GPR158: variants seen among roughly 807,000 people sequenced by gnomAD.
GPR158 encodes G protein-coupled receptor 158.
Under a neutral mutation model 78.2 loss-of-function variants are expected in GPR158, and 30 were observed. The ratio of observed to expected loss-of-function variants is 0.38; its 90% confidence interval spans 0.29 to 0.52. GPR158 has a LOEUF of 0.52. GPR158 is among the 20% of genes least tolerant of loss of function. The pLI, the probability that GPR158 is intolerant of heterozygous loss-of-function variation, is 0.83. For missense variants in GPR158, 1,463 were observed against 1,523.5 expected (o/e 0.96, Z 0.66); for synonymous variants, 581 against 591.1 (o/e 0.98, Z 0.25).
chr10:25,524,719 G>A (rs995884641), intron 5 of GPR158, among the ~76,000 whole-genome samples: 1 of 152,120 alleles, frequency 6.6e-6, no homozygotes, highest in African/African-American at 2.4e-5. Flanking sequence ...TTATGACCTT[G>A]GGGTAAGCAA....
chr10:25,301,158 AT>A (rs1854587943), intron 2 of GPR158, among the ~76,000 whole-genome samples: 1 of 152,214 alleles, frequency 6.6e-6, no homozygotes, highest in Non-Finnish European at 1.5e-5. Context: ...CAAAATGTTT[AT>A]ATATCTATGA....
At chr10:25,431,433 T>C (rs1455554075) in intron 4 of GPR158, among the ~76,000 whole-genome samples, 2 of 145,760 alleles carry the variant, frequency 1.4e-5, no homozygotes, top group South Asian at 2.3e-4. Context: ...AGTTCACCCA[T>C]TGTGGAAGTC....
chr10:25,280,729 A>G (rs1854256730), intron 2 of GPR158, among the ~76,000 whole-genome samples: 1 of 152,184 alleles, frequency 6.6e-6, no homozygotes, highest in South Asian at 2.1e-4. Flanking sequence ...GTATGTATGT[A>G]TGTATGTATG....
rs149761116 is a variant in GPR158, at chr10:25,579,804, G to GA, written c.1753+6919dup. 2.9e-3 allele frequency among the ~76,000 whole-genome samples: 446 copies of GA among 152,110 alleles called. 1 individual carries two copies. Among genetic ancestry groups the GA allele is most frequent in the African/African-American group, 0.01 (423 of 41,548 alleles). On this transcript the variant is annotated intron_variant, in intron 7 of 10. Coordinates refer to ENST00000376351, the MANE Select transcript of GPR158 (RefSeq NM_020752.3). ...ATGTTATAAAAAGTTATGTAATTGA[G>GA]AATAAATCTATTTTACTGCCCTCCT...
chr10:25,355,228 T>C (rs1027724903), intron 2 of GPR158, among the ~76,000 whole-genome samples: 1 of 152,054 alleles, frequency 6.6e-6, no homozygotes, highest in East Asian at 1.9e-4. Context: ...TTTTTTTTCC[T>C]TTTTCTCCTC....
At chr10:25,570,758 A>T (rs1333588949) in intron 6 of GPR158, among the ~76,000 whole-genome samples, 1 of 152,128 alleles carries the variant, frequency 6.6e-6, no homozygotes, top group Non-Finnish European at 1.5e-5. Context: ...CTACTAAAAA[A>T]ATATAAAAAT....
At chr10:25,442,942 GT>G (rs1201827129) in intron 4 of GPR158, among the ~76,000 whole-genome samples, 1 of 152,102 alleles carries the variant, frequency 6.6e-6, no homozygotes, top group Non-Finnish European at 1.5e-5. Context: ...TTTAATACCA[GT>G]GCCTTCTCTT....
At chr10:25,330,116 A>G (rs1465740215) in intron 2 of GPR158, among the ~76,000 whole-genome samples, 1 of 151,914 alleles carries the variant, frequency 6.6e-6, no homozygotes, top group Non-Finnish European at 1.5e-5. Context: ...TACACCCACT[A>G]ACTCGTCATC....
intron 2 of GPR158, among the ~76,000 whole-genome samples, chr10:25,242,576 T>C (rs1340403454): frequency 6.6e-6 from 1 of 152,240 alleles, no homozygotes; most frequent in Non-Finnish European, 1.5e-5. Flanking sequence ...GCTTTGTGGG[T>C]GACTTTTGGA....
intron 2 of GPR158, among the ~76,000 whole-genome samples, chr10:25,393,094 G>C (rs1554799913): frequency 6.6e-6 from 1 of 152,022 alleles, no homozygotes; most frequent in Non-Finnish European, 1.5e-5. Flanking sequence ...TCAAGTTTAA[G>C]GAATATTTTA....
intron 2 of GPR158, among the ~76,000 whole-genome samples, chr10:25,355,534 T>A (rs2130525525): frequency 6.6e-6 from 1 of 152,186 alleles, no homozygotes; most frequent in African/African-American, 2.4e-5. Flanking sequence ...TTTATCTGTT[T>A]GAGGAGGTCA....
At chr10:25,343,505 A>G (rs904903566) in intron 2 of GPR158, among the ~76,000 whole-genome samples, 1 of 151,982 alleles carries the variant, frequency 6.6e-6, no homozygotes, top group Non-Finnish European at 1.5e-5. Context: ...TTATTTACTC[A>G]TTGTTCTTTC....
intron 5 of GPR158, among the ~76,000 whole-genome samples, chr10:25,540,556 T>G (rs1208948648): frequency 6.6e-6 from 1 of 151,920 alleles, no homozygotes; most frequent in Non-Finnish European, 1.5e-5. Flanking sequence ...TGTCCAACAA[T>G]GATAGACTGG....
chr10:25,567,649 A>G (rs891777642), intron 6 of GPR158, among the ~76,000 whole-genome samples: 3 of 152,196 alleles, frequency 2.0e-5, no homozygotes, highest in Non-Finnish European at 4.4e-5. Context: ...ACTGCATGTC[A>G]TCCAGAGGGA....
chr10:25,267,463 C>T (rs1343486226), intron 2 of GPR158, among the ~76,000 whole-genome samples: 11 of 152,224 alleles, frequency 7.2e-5, no homozygotes, highest in Non-Finnish European at 1.5e-5. Context: ...CCTGATCCCT[C>T]CCACGACATG....
rs144465911 is a variant in GPR158, at chr10:25,319,378, T to A, written c.1009-76533T>A. Among the ~76,000 whole-genome samples, 10 of 152,010 alleles carry A rather than the reference T, an allele frequency of 6.6e-5. No homozygotes were observed. In the East Asian group the frequency reaches 1.9e-3, roughly 29 times the overall value. On this transcript the variant is annotated intron_variant, in intron 2 of 10. Transcript: ENST00000376351. Reference sequence around the variant, plus strand: ...GTTCTGAGAGCACAGCCATGTCTTATTTTTTTTGTAAATTCCCATTGTGTT... The same window carrying A: ...GTTCTGAGAGCACAGCCATGTCTTAATTTTTTTGTAAATTCCCATTGTGTT...
intron 5 of GPR158, among the ~76,000 whole-genome samples, chr10:25,493,915 G>T (rs1220532021): frequency 6.6e-6 from 1 of 152,172 alleles, no homozygotes. Flanking sequence ...TTGCGCTAAA[G>T]CTTTTCCTTA....
At chr10:25,438,273 G>A (rs1417001019) in intron 4 of GPR158, among the ~76,000 whole-genome samples, 2 of 152,164 alleles carry the variant, frequency 1.3e-5, no homozygotes, top group East Asian at 3.9e-4. Flanking sequence ...AAGTTCAAGT[G>A]CACTTAGAAG....
chr10:25,302,623 T>G (rs1432594865), intron 2 of GPR158, among the ~76,000 whole-genome samples: 2 of 152,180 alleles, frequency 1.3e-5, no homozygotes, highest in East Asian at 3.8e-4. Context: ...GAGCCACATA[T>G]GGTCTCTGTC....
Sources: gnomAD v4.1 joint callset for allele counts (sites outside exome capture counted in the v4.1 genomes callset) on GRCh38, gnomAD v4.1.1 for gene constraint, MANE v1.5 for transcripts, NCBI Gene and HGNC (gene_info 2026-07-23, HGNC 2026-07-21) for gene names.